The following CFAP77 variants were observed in gnomAD, a reference collection of about 807,000 sequenced individuals.
CFAP77 encodes cilia- and flagella-associated protein 77.
In CFAP77, 25 loss-of-function variants were observed where a neutral mutation model predicts 31.1. The ratio of observed to expected loss-of-function variants is 0.80; its 90% CI spans 0.59 to 1.12. CFAP77 has a LOEUF of 1.12. Ranked by LOEUF, CFAP77 falls within the 50% of genes most tolerant of loss-of-function variation. The pLI is 0.00. For synonymous variants in CFAP77, 151 were observed against 159.9 expected, an observed-to-expected ratio of 0.94 and a Z score of 0.42; for missense variants, 377 against 397.3, an observed-to-expected ratio of 0.95 and a Z score of 0.44.
chr9:132,487,657 T>C (rs1304399185), intron 1 of CFAP77, among the ~76,000 whole-genome samples: 5 of 151,758 alleles, frequency 3.3e-5, no homozygotes, highest in Non-Finnish European at 7.4e-5. Flanking sequence ...TTTTTTTTTT[T>C]TTCACTTGAC....
At chr9:132,441,110 G>T (rs1850608584) in intron 1 of CFAP77, among the ~76,000 whole-genome samples, 1 of 152,090 alleles carries the variant, frequency 6.6e-6, no homozygotes, top group African/African-American at 2.4e-5. Flanking sequence ...CACAATACCA[G>T]GGTCAGTGGG....
intron 1 of CFAP77, among the ~76,000 whole-genome samples, chr9:132,411,095 A>G (rs1320751984): frequency 6.6e-6 from 1 of 152,120 alleles, no homozygotes; most frequent in East Asian, 1.9e-4. Context: ...CTTCCATTAC[A>G]CTTCCCTCCT....
intron 1 of CFAP77, among the ~76,000 whole-genome samples, chr9:132,452,095 A>G (rs61276279): frequency 0.099 from 15,027 of 151,756 alleles, 786 homozygotes; most frequent in Middle Eastern, 0.14. Context: ...GAGCCACCGC[A>G]CCCAGCCTGA....
chr9:132,548,900 G>A (rs1200339729), intron 5 of CFAP77, among the ~76,000 whole-genome samples: 1 of 152,232 alleles, frequency 6.6e-6, no homozygotes, highest in African/African-American at 2.4e-5. Flanking sequence ...TGATTTACAA[G>A]CTTTTGTGCT....
intron 1 of CFAP77, among the ~76,000 whole-genome samples, chr9:132,434,253 C>T (rs1444706943): frequency 2.6e-5 from 4 of 152,138 alleles, no homozygotes; most frequent in South Asian, 2.1e-4. Context: ...TATGTGGCCC[C>T]GCTCTTTGCC....
chr9:132,526,262 C>T (rs2045330350), intron 3 of CFAP77, among the ~76,000 whole-genome samples: 10 of 151,672 alleles, frequency 6.6e-5, no homozygotes, highest in Admixed American at 6.6e-4. Context: ...TGGAGTCTCA[C>T]TCTGTTGCCC....
intron 1 of CFAP77, chr9:132,482,191 T>C (rs567727075): frequency 1.2e-4 from 76 of 628,028 alleles, no homozygotes; most frequent in Non-Finnish European, 1.7e-4. Context: ...TTCTTTCTTT[T>C]TTTTTTTCTT....
intron 5 of CFAP77, among the ~76,000 whole-genome samples, chr9:132,550,519 C>CTTTTTTTTTTTTTT (rs766424349): frequency 9.7e-6 from 1 of 102,822 alleles, no homozygotes; most frequent in African/African-American, 3.9e-5. Flanking sequence ...TCCCTTGAAG[C>CTTTTTTTTTTTTTT]TTTTTTTTTT....
At chr9:132,544,010 C>T (rs949894256) in intron 5 of CFAP77, among the ~76,000 whole-genome samples, 11 of 152,158 alleles carry the variant, frequency 7.2e-5, no homozygotes, top group Admixed American at 2.0e-4. Context: ...CGCCTGGCCC[C>T]GGGAAGACAG....
At chr9:132,422,989 C>T (rs892684779) in intron 1 of CFAP77, among the ~76,000 whole-genome samples, 3 of 152,264 alleles carry the variant, frequency 2.0e-5, no homozygotes, top group African/African-American at 4.8e-5. Context: ...AGCCCAAGTC[C>T]GCCGCGCTCC....
chr9:132,526,022 GT>G (rs1852353860), intron 3 of CFAP77, among the ~76,000 whole-genome samples: 1 of 151,976 alleles, frequency 6.6e-6, no homozygotes, highest in South Asian at 2.1e-4. Context: ...TTGTTTTCCA[GT>G]TTTGCACTGT....
In CFAP77 at chr9:132,475,808, C is replaced by T. The variant is rs187234274; in HGVS notation, c.196-22887C>T. Among the ~76,000 whole-genome samples the T allele has an allele frequency of 3.4e-3, 516 of 152,306 alleles. 3 individuals carry two copies. Among genetic ancestry groups the T allele is most frequent in the African/African-American group, 0.011 (477 of 41,558 alleles). ...CCCCCACCCTCTGCTTTCTCCTCTA[C>T]CCCATCCTGTGCGCACTGGTAGTAG... On this transcript the variant is annotated intron_variant, in intron 1 of 5. Transcript: ENST00000393216.
intron 1 of CFAP77, among the ~76,000 whole-genome samples, chr9:132,430,069 A>G (rs946473369): frequency 5.3e-5 from 8 of 151,086 alleles, no homozygotes. Flanking sequence ...TCTCCTGGGC[A>G]CTCCCTGGCT....
chr9:132,482,562 A>T, intron 1 of CFAP77: 1 of 673,120 alleles, frequency 1.5e-6, no homozygotes, highest in Non-Finnish European at 2.6e-6. Context: ...TCATTACGCC[A>T]TGGGGTGGGG....
At chr9:132,488,687 A>C (rs1851603895) in intron 1 of CFAP77, among the ~76,000 whole-genome samples, 1 of 152,218 alleles carries the variant, frequency 6.6e-6, no homozygotes, top group African/African-American at 2.4e-5. Context: ...AGCTAGCCCC[A>C]GTAGTTCTCA....
At position 132,499,035 on chromosome 9, in the gene CFAP77, C is replaced by CT. The variant is rs1851793920; in HGVS notation, c.295+243dup. Among the ~76,000 whole-genome samples the CT allele has an allele frequency of 1.3e-5, 2 of 152,230 alleles. No homozygotes were observed. Among genetic ancestry groups the CT allele is most frequent in the African/African-American group, 2.4e-5 (1 of 41,512 alleles). On this transcript the variant is annotated intron_variant, in intron 2 of 5. Transcript: ENST00000393216. This position sits in a 1 kb window ranked among gnomAD's most constrained non-coding sequence, Gnocchi z 5.4. ...GCATGGGTATCCCCGCACCGCCCCC[C>CT]TTCCCCGCCGCCGGCAGGGACTGTG... is the stretch of plus-strand genomic sequence containing the variant.
At chr9:132,508,533 C>T (rs1343373129) in intron 3 of CFAP77, among the ~76,000 whole-genome samples, 4 of 152,216 alleles carry the variant, frequency 2.6e-5, no homozygotes, top group South Asian at 2.1e-4. Context: ...AAAGATGCCG[C>T]AGAGACACAG....
intron 1 of CFAP77, among the ~76,000 whole-genome samples, chr9:132,428,821 T>C (rs535002687): frequency 1.8e-4 from 27 of 146,742 alleles, no homozygotes; most frequent in African/African-American, 4.3e-4. Flanking sequence ...GACCCCCCCC[T>C]GCTCTGCGTA....
At chr9:132,459,419 G>A (rs1850994733) in intron 1 of CFAP77, among the ~76,000 whole-genome samples, 1 of 136,292 alleles carries the variant, frequency 7.3e-6, no homozygotes, top group Non-Finnish European at 1.5e-5. Flanking sequence ...TGGATGAATA[G>A]GGTGTGTGTG....
Sources: allele counts gnomAD v4.1 joint callset (sites outside exome capture counted in the v4.1 genomes callset), GRCh38; gene constraint gnomAD v4.1.1; non-coding constraint Gnocchi (gnomAD v3.1); transcripts MANE v1.5; gene names NCBI Gene and HGNC (gene_info 2026-07-23, HGNC 2026-07-21).